The following ACOX3 variants were observed in gnomAD, a reference collection of about 807,000 sequenced individuals.
ACOX3 encodes acyl-CoA oxidase 3, pristanoyl, also known as peroxisomal acyl-coenzyme A oxidase 3.
Under a neutral mutation model 81.5 loss-of-function variants are expected in ACOX3, and 73 were observed. The ratio of observed to expected loss-of-function variants is 0.90; its 90% CI spans 0.74 to 1.09. The LOEUF is 1.09. Among genes scored for constraint, ACOX3 ranks in the 50% least tolerant of loss-of-function variants. The pLI is 0.00. For missense variants in ACOX3, 947 were observed against 928.0 expected, an observed-to-expected ratio of 1.02 and a Z score of -0.27; for synonymous variants, 387 against 375.1, an observed-to-expected ratio of 1.03 and a Z score of -0.37.
At chr4:8,390,316 C>G (rs1718837450) in intron 11 of ACOX3, among the ~76,000 whole-genome samples, 1 of 151,836 alleles carries the variant, frequency 6.6e-6, no homozygotes, top group South Asian at 2.1e-4. Flanking sequence ...TGTACTCCAG[C>G]CTCCGGGACA....
rs368107290 is a variant in ACOX3 at position 8,416,600 on chromosome 4, C to G, written c.-14-65G>C. The G allele has an allele frequency of 1.4e-5, 20 of 1,472,140 alleles. No homozygotes were observed. The East Asian group carries it at 3.1e-4, about 23-fold the overall frequency. 91.2% of individuals were successfully genotyped at this position (1,472,140 alleles called of 1,614,324 possible). A position where few individuals can be genotyped will look rare whatever the true frequency, so the allele number is the denominator to read the frequency against. On this transcript the variant is annotated intron_variant, in intron 1 of 17. Coordinates refer to ENST00000356406, the MANE Select transcript of ACOX3 (RefSeq NM_003501.3). This position sits in a 1 kb window ranked among gnomAD's most constrained non-coding sequence, Gnocchi z 4.2. ...TATGGGTTCAAACTACCCCCACCAA[C>G]AGGAGAGCCCGCAACACCTTACAAA...
Position 8,437,292 on chromosome 4 carries a change from C to T in ACOX3, c.-15+3356G>A, listed in dbSNP as rs1270528012. Among the ~76,000 whole-genome samples the T allele has an allele frequency of 6.6e-6, 1 of 151,786 alleles. No individual in the cohort carries two copies. Among genetic ancestry groups the T allele is most frequent in the Non-Finnish European group, 1.5e-5 (1 of 67,986 alleles). ...GGAACAAAACAGGAAAGAGCAAAAG[C>T]AACAAGTGCGGCAGCTAGGCACGCC... On this transcript the variant is annotated intron_variant, in intron 1 of 17. Transcript: ENST00000356406. This position sits in a 1 kb window ranked among gnomAD's most constrained non-coding sequence, Gnocchi z 5.2.
At position 8,437,900 on chromosome 4, in the gene ACOX3, G is replaced by A. The variant is rs1222174242; in HGVS notation, c.-15+2748C>T. On this transcript the variant is annotated intron_variant, in intron 1 of 17. Transcript: ENST00000356406. The surrounding 1 kb of genome is among the most constrained non-coding windows in gnomAD (Gnocchi z 5.2). ...TAGGCACCTTCTTATTAGGCTCCCA[G>A]GAGCCCATTGTCACATTAGAAGTTA... is the stretch of plus-strand genomic sequence containing the variant. 6.6e-6 allele frequency among the ~76,000 whole-genome samples: 1 copy of A among 152,222 alleles called. No individual in the cohort carries two copies. Among genetic ancestry groups the A allele is most frequent in the Non-Finnish European group, 1.5e-5 (1 of 68,034 alleles).
At chr4:8,422,174 G>A (rs1476296912) in intron 1 of ACOX3, among the ~76,000 whole-genome samples, 1 of 152,012 alleles carries the variant, frequency 6.6e-6, no homozygotes, top group African/African-American at 2.4e-5. Flanking sequence ...AGAGAAGAGA[G>A]AGAAAGAAAG....
rs149636300 is a variant in ACOX3, at chr4:8,395,956, T to C, written c.1056+981A>G. Among the ~76,000 whole-genome samples the C allele has an allele frequency of 5.7e-3, 870 of 152,354 alleles. 2 individuals carry two copies. Among genetic ancestry groups the C allele is most frequent in the Non-Finnish European group, 7.2e-3 (487 of 68,024 alleles). On this transcript the variant is annotated intron_variant, in intron 9 of 17. Transcript: ENST00000356406. ...TGTGCACTTTAACTGGATTTCTTAT[T>C]TGATCCTCAGTTCTCTCACCTGTAA... is the stretch of plus-strand genomic sequence containing the variant.
At position 8,414,752 on chromosome 4, in the gene ACOX3, A is replaced by C. The variant is rs1722135450; in HGVS notation, c.453+102T>G. On this transcript the variant is annotated intron_variant, in intron 4 of 17. Coordinates refer to ENST00000356406, the MANE Select transcript of ACOX3 (RefSeq NM_003501.3). This position sits in a 1 kb window ranked among gnomAD's most constrained non-coding sequence, Gnocchi z 6.1. ...AACACTAGGAAACAAGAAGAGCATA[A>C]GCCCCCTGGGCACCCCCTTCTACAA... 2 of 1,167,208 alleles carry C rather than the reference A, an allele frequency of 1.7e-6. No homozygotes were observed. The highest frequency in any genetic ancestry group is 1.5e-5 in the African/African-American group (1 of 65,088). 72.3% of individuals were successfully genotyped at this position (1,167,208 alleles called of 1,614,324 possible).
Position 8,389,584 on chromosome 4 carries a change from C to T in ACOX3, c.1423+28G>A. On this transcript the variant is annotated intron_variant, in intron 12 of 17. Transcript: ENST00000356406. This position sits in a 1 kb window ranked among gnomAD's most constrained non-coding sequence, Gnocchi z 5.3. ...CCCCTGCCCCAGTTGGGTTCCAGCG[C>T]CCCCACCAGTGTGCAGCAGAGCCTC... is the stretch of plus-strand genomic sequence containing the variant. 6.2e-7 allele frequency: 1 copy of T among 1,612,890 alleles called. No individual in the cohort carries two copies. Among genetic ancestry groups the T allele is most frequent in the East Asian group, 2.2e-5 (1 of 44,858 alleles).
In ACOX3 at chr4:8,437,838, C is replaced by G. The variant is rs1000707904; in HGVS notation, c.-15+2810G>C. On this transcript the variant is annotated intron_variant, in intron 1 of 17. Transcript: ENST00000356406. This position sits in a 1 kb window ranked among gnomAD's most constrained non-coding sequence, Gnocchi z 5.2. ...GGAACCAAATACTGATCTGATCAGGCTGGCAGGAGCTAAAGAATGTAAAGA... is the reference window on the plus strand; with the variant it reads ...GGAACCAAATACTGATCTGATCAGGGTGGCAGGAGCTAAAGAATGTAAAGA... 6.6e-6 allele frequency among the ~76,000 whole-genome samples: 1 copy of G among 152,206 alleles called. No homozygotes were observed. The highest frequency in any genetic ancestry group is 1.5e-5 in the Non-Finnish European group (1 of 68,034).
At chr4:8,367,821 A>G (rs1211210212) in intron 17 of ACOX3, among the ~76,000 whole-genome samples, 2 of 134,534 alleles carry the variant, frequency 1.5e-5, no homozygotes, top group Admixed American at 7.0e-5. Context: ...AAAAAAAAAA[A>G]AAAAAAAAAA....
Position 8,370,778 on chromosome 4 carries a change from C to T in ACOX3, c.1983+130G>A. On this transcript the variant is annotated intron_variant, in intron 17 of 17. Coordinates refer to ENST00000356406, the MANE Select transcript of ACOX3 (RefSeq NM_003501.3). The surrounding 1 kb of genome is among the most constrained non-coding windows in gnomAD (Gnocchi z 6.3). ...AGTCCTGACTTGTCCCGGGCCCTCC[C>T]CAAGAAGCTCCTCCATGTGTGACCA... 1 of 772,586 alleles carries T rather than the reference C, an allele frequency of 1.3e-6. No individual in the cohort carries two copies. Among genetic ancestry groups the T allele is most frequent in the Non-Finnish European group, 2.1e-6 (1 of 474,116 alleles). The allele number at this position is 772,586 out of a possible 1,614,324, so 47.9% of individuals were successfully genotyped here.
At chr4:8,401,553 A>T (rs1172266758) in intron 7 of ACOX3, among the ~76,000 whole-genome samples, 1 of 151,898 alleles carries the variant, frequency 6.6e-6, no homozygotes, top group Non-Finnish European at 1.5e-5. Flanking sequence ...CAGCAACCAT[A>T]TTGGCTCTTT....
chr4:8,400,844 C>T lies in ACOX3; in HGVS notation c.777-1192G>A, dbSNP rs1338159439. Among the ~76,000 whole-genome samples, 2 of 152,134 alleles carry T rather than the reference C, an allele frequency of 1.3e-5. No individual in the cohort carries two copies. Among genetic ancestry groups the T allele is most frequent in the South Asian group, 2.1e-4 (1 of 4,802 alleles). ...AATGAGGGGGAGGTGGGAGTGGTTTCGGGATGATTCAAGCACATTATATTT... is the reference window on the plus strand; with the variant it reads ...AATGAGGGGGAGGTGGGAGTGGTTTTGGGATGATTCAAGCACATTATATTT... On this transcript the variant is annotated intron_variant, in intron 7 of 17. Coordinates refer to ENST00000356406, the MANE Select transcript of ACOX3 (RefSeq NM_003501.3). The surrounding 1 kb of genome is among the most constrained non-coding windows in gnomAD (Gnocchi z 4.4).
chr4:8,438,060 G>T (rs905497911), intron 1 of ACOX3, among the ~76,000 whole-genome samples: 2 of 152,220 alleles, frequency 1.3e-5, no homozygotes, highest in African/African-American at 4.8e-5. Flanking sequence ...GCCATACCTT[G>T]TGAAAACTTG....
chr4:8,419,424 A>G lies in ACOX3; in HGVS notation c.-14-2889T>C, dbSNP rs934697977. 6.6e-6 allele frequency among the ~76,000 whole-genome samples: 1 copy of G among 151,132 alleles called. No homozygotes were observed. Among genetic ancestry groups the G allele is most frequent in the African/African-American group, 2.4e-5 (1 of 40,874 alleles). On this transcript the variant is annotated intron_variant, in intron 1 of 17. Coordinates refer to ENST00000356406, the MANE Select transcript of ACOX3 (RefSeq NM_003501.3). The surrounding 1 kb of genome is among the most constrained non-coding windows in gnomAD (Gnocchi z 4.2). Reference sequence around the variant, plus strand: ...ACTCCAGCCTGGGTGACAGAGTGAAACTCTGTCTCAAAAAAAAAAAGAAAA... The same window carrying G: ...ACTCCAGCCTGGGTGACAGAGTGAAGCTCTGTCTCAAAAAAAAAAAGAAAA...
chr4:8,412,661 A>G (rs1220377710), intron 5 of ACOX3, among the ~76,000 whole-genome samples: 1 of 152,140 alleles, frequency 6.6e-6, no homozygotes, highest in Admixed American at 6.5e-5. Context: ...ACCACTGCCA[A>G]TGGGGGAGGG....
rs548604733 is a variant in ACOX3, at chr4:8,392,535, C to T, written c.1180-82G>A. 1,057 of 1,388,980 alleles carry T rather than the reference C, an allele frequency of 7.6e-4. 3 individuals are homozygous for T. The highest frequency in any genetic ancestry group is 3.6e-3 in the Middle Eastern group (19 of 5,280). 86.0% of individuals were successfully genotyped at this position (1,388,980 alleles called of 1,614,324 possible). The stretch of plus-strand genomic sequence containing the variant: ...GTCATAAGTCAGCAATAGCATCAAA[C>T]CACCATATCACCTCTAGTCTAATAC... On this transcript the variant is annotated intron_variant, in intron 10 of 17. Transcript: ENST00000356406.
At chr4:8,417,613 G>A (rs1358235085) in intron 1 of ACOX3, among the ~76,000 whole-genome samples, 1 of 152,184 alleles carries the variant, frequency 6.6e-6, no homozygotes, top group Non-Finnish European at 1.5e-5. Flanking sequence ...TGCCTTTCAA[G>A]TACCACCTTA....
At chr4:8,375,912 C>T (rs1482928420) in intron 14 of ACOX3, among the ~76,000 whole-genome samples, 2 of 152,222 alleles carry the variant, frequency 1.3e-5, no homozygotes, top group Non-Finnish European at 2.9e-5. Context: ...ATCCAGTCCA[C>T]CGCTGATGGG....
intron 14 of ACOX3, among the ~76,000 whole-genome samples, chr4:8,378,636 T>C (rs1007961840): frequency 6.6e-6 from 1 of 150,696 alleles, no homozygotes; most frequent in Non-Finnish European, 1.5e-5. Flanking sequence ...AGGCTAGAGG[T>C]AGGGAGGAGG....
Sources: gnomAD v4.1 joint callset for allele counts (sites outside exome capture counted in the v4.1 genomes callset) on GRCh38, gnomAD v4.1.1 for gene constraint, Gnocchi (gnomAD v3.1) non-coding constraint, MANE v1.5 for transcripts, NCBI Gene and HGNC (gene_info 2026-07-23, HGNC 2026-07-21) for gene names.